The following KALRN variants were observed in gnomAD, a reference collection of about 807,000 sequenced individuals.
KALRN encodes kalirin RhoGEF kinase, also known as kalirin.
Under a neutral mutation model 353.7 loss-of-function variants are expected in KALRN, and 70 were observed. The observed-to-expected ratio is 0.20, with a 90% confidence interval of 0.16 to 0.24. KALRN has a LOEUF of 0.24. KALRN is among the 10% of genes least tolerant of loss of function. The probability of loss-of-function intolerance (pLI) is 1.00; values close to 1 mark genes in which losing one functional copy is unlikely to be tolerated. For missense variants in KALRN, 2,791 were observed against 3,756.7 expected (o/e 0.74, Z 6.72); for synonymous variants, 1,391 against 1,434.8 (o/e 0.97, Z 0.69).
At chr3:124,385,104 G>A (rs2149942952) in intron 11 of KALRN, 68 bp downstream of exon 11, 1 of 1,408,778 alleles carries the variant, frequency 7.1e-7, no homozygotes, top group Non-Finnish European at 9.7e-7. Context: ...TAGTAAAATG[G>A]CCCTGAAGGT....
In KALRN at chr3:124,492,237, C is replaced by T. The variant is rs60965653; in HGVS notation, c.4690-503C>T. ...AAATGGGATCATCATAAAATGATAG[C>T]AGTGCCTTTAGTTAACAGAGCTTGC... On this transcript the variant is annotated intron_variant, in intron 31 of 59. Transcript: ENST00000682506. 9.9e-3 allele frequency among the ~76,000 whole-genome samples: 1,512 copies of T among 152,320 alleles called. 37 individuals are homozygous for T. Among genetic ancestry groups the T allele is most frequent in the African/African-American group, 0.035 (1,445 of 41,566 alleles).
chr3:124,618,444 GCTGGTAGGAGAACAAAA>G (rs1210731583), intron 34 of KALRN, among the ~76,000 whole-genome samples: 1 of 152,120 alleles, frequency 6.6e-6, no homozygotes, highest in African/African-American at 2.4e-5. Flanking sequence ...TGAAAAGTCT[GCTGGTAGGAGAACAAAA>G]CTGGAAGTTA....
chr3:124,198,524 C>T (rs1158010664), intron 1 of KALRN, among the ~76,000 whole-genome samples: 1 of 152,160 alleles, frequency 6.6e-6, no homozygotes, highest in Non-Finnish European at 1.5e-5. Context: ...AAATGCTTCC[C>T]TGAGGGGAGG....
At chr3:124,191,057 T>C (rs914581442) in intron 1 of KALRN, among the ~76,000 whole-genome samples, 31 of 152,220 alleles carry the variant, frequency 2.0e-4, no homozygotes, top group African/African-American at 7.5e-4. Flanking sequence ...GGTTTACCAG[T>C]TTATTATAAA....
intron 34 of KALRN, among the ~76,000 whole-genome samples, chr3:124,628,139 T>TCCTCCCTC (rs1330613034): frequency 1.0e-5 from 1 of 95,680 alleles, no homozygotes; most frequent in Non-Finnish European, 2.0e-5. Context: ...TTTCCTTCCA[T>TCCTCCCTC]CCTCCCTCCC....
intron 1 of KALRN, among the ~76,000 whole-genome samples, chr3:124,122,112 G>A (rs1478888265): frequency 1.3e-5 from 2 of 152,154 alleles, no homozygotes; most frequent in Non-Finnish European, 2.9e-5. Context: ...CGGTGGTTGT[G>A]ATGGAAATTC....
chr3:124,508,949 T>G (rs1275322400), intron 33 of KALRN, among the ~76,000 whole-genome samples: 2 of 152,296 alleles, frequency 1.3e-5, no homozygotes, highest in East Asian at 3.9e-4. Context: ...GGCCTTTGAT[T>G]TTCTCTTTTA....
At chr3:124,525,414 T>C (rs1364175206) in intron 33 of KALRN, among the ~76,000 whole-genome samples, 1 of 152,226 alleles carries the variant, frequency 6.6e-6, no homozygotes, top group Non-Finnish European at 1.5e-5. Flanking sequence ...TTTGCCTGTG[T>C]TGAGTTCTGC....
At position 124,299,070 on chromosome 3, in the gene KALRN, T is replaced by C. The variant is rs529585439; in HGVS notation, c.1092+157T>C. 9.2e-5 allele frequency among the ~76,000 whole-genome samples: 14 copies of C among 152,328 alleles called. No individual in the cohort carries two copies. The East Asian group carries it at 2.7e-3, about 29-fold the overall frequency. On this transcript the variant is annotated intron_variant, in intron 6 of 59. Transcript: ENST00000682506. ...TTGGAATGGGGATGAGTGCAGGGCATGTGGCCAGCCAGCTGTTCCTGCAGC... is the reference window on the plus strand; with the variant it reads ...TTGGAATGGGGATGAGTGCAGGGCACGTGGCCAGCCAGCTGTTCCTGCAGC...
intron 51 of KALRN, among the ~76,000 whole-genome samples, chr3:124,682,912 C>A (rs1302339900): frequency 6.6e-6 from 1 of 152,172 alleles, no homozygotes; most frequent in African/African-American, 2.4e-5. Context: ...CACACCAATG[C>A]CACTGCAAGA....
intron 25 of KALRN, among the ~76,000 whole-genome samples, chr3:124,471,457 T>C (rs1189469996): frequency 3.3e-5 from 5 of 151,796 alleles, no homozygotes; most frequent in African/African-American, 1.2e-4. Flanking sequence ...GGCTAATTTT[T>C]TGTATTTTTA....
At chr3:124,291,417 G>A (rs79044969) in intron 5 of KALRN, among the ~76,000 whole-genome samples, 9,237 of 152,182 alleles carry the variant, frequency 0.061, 380 homozygotes, top group South Asian at 0.095. Flanking sequence ...TTAGCAACAT[G>A]TTGGCACATA....
chr3:124,046,900 A>AT (rs61359225), intron 1 of KALRN, among the ~76,000 whole-genome samples: 132,301 of 148,336 alleles, frequency 0.89, 60,144 homozygotes, highest in East Asian at 1. Context: ...TTGTTGACCC[A>AT]TTTTTTTTTT....
intron 1 of KALRN, among the ~76,000 whole-genome samples, chr3:124,088,433 C>T (rs888063229): frequency 6.6e-6 from 1 of 152,146 alleles, no homozygotes; most frequent in Non-Finnish European, 1.5e-5. Flanking sequence ...AATCTGCCCC[C>T]TCCTGAAGGG....
intron 10 of KALRN, among the ~76,000 whole-genome samples, chr3:124,370,093 G>C (rs1489714242): frequency 6.6e-6 from 1 of 152,120 alleles, no homozygotes; most frequent in African/African-American, 2.4e-5. Flanking sequence ...GTCAACATAA[G>C]TTCCATCAAG....
chr3:124,477,070 C>T (rs2061495001), intron 26 of KALRN, among the ~76,000 whole-genome samples, 175 bp from the exon 27 acceptor site: 1 of 152,168 alleles, frequency 6.6e-6, no homozygotes, highest in Non-Finnish European at 1.5e-5. Flanking sequence ...AAAGACATCC[C>T]AATGTCCGTT....
intron 16 of KALRN, among the ~76,000 whole-genome samples, chr3:124,433,254 A>G (rs1028350043): frequency 6.6e-6 from 1 of 152,038 alleles, no homozygotes; most frequent in Non-Finnish European, 1.5e-5. Context: ...AATAAAAAGT[A>G]AAAAAGTAAA....
chr3:124,206,748 T>A (rs6438833), intron 1 of KALRN, among the ~76,000 whole-genome samples: 10,101 of 152,288 alleles, frequency 0.066, 308 homozygotes, highest in East Asian at 0.095. Flanking sequence ...CTGGTTTTAG[T>A]CAACACTTGA....
At chr3:124,584,738 C>A (rs1282379074) in intron 34 of KALRN, 3 of 1,509,330 alleles carry the variant, frequency 2.0e-6, no homozygotes, top group Non-Finnish European at 1.8e-6. Flanking sequence ...TCTCGGGCGG[C>A]GGCGCTGAAG....
Sources: gnomAD v4.1 joint callset for allele counts (sites outside exome capture counted in the v4.1 genomes callset) on GRCh38, gnomAD v4.1.1 for gene constraint, MANE v1.5 for transcripts, NCBI Gene and HGNC (gene_info 2026-07-23, HGNC 2026-07-21) for gene names.